TXNRD3: variants seen among roughly 807,000 people sequenced by gnomAD.
TXNRD3 encodes the protein TXNRD3 neighbor gene protein.
A neutral mutation model predicts 78.2 loss-of-function variants in TXNRD3; 68 were observed. That is an observed-to-expected ratio of 0.87 (90% confidence interval 0.72 to 1.06). The LOEUF (loss-of-function observed/expected upper bound fraction) is 1.06. Ranked by LOEUF, TXNRD3 falls within the 50% of genes least tolerant of loss-of-function variation. The pLI is 0.00. For synonymous variants in TXNRD3, 296 were observed against 300.1 expected (o/e 0.99, Z 0.14); for missense variants, 751 against 809.5 (o/e 0.93, Z 0.88).
chr3:126,611,858 C>G (rs1357395296), intron 13 of TXNRD3, among the ~76,000 whole-genome samples: 2 of 151,910 alleles, frequency 1.3e-5, no homozygotes, highest in African/African-American at 4.8e-5. Context: ...AAAATACCAC[C>G]CAGAAATAAC....
chr3:126,630,254 A>G (rs1482185643), intron 9 of TXNRD3, among the ~76,000 whole-genome samples: 5 of 152,244 alleles, frequency 3.3e-5, no homozygotes, highest in Non-Finnish European at 7.3e-5. Context: ...GCTTCAAAGA[A>G]GTGAAGGAGA....
intron 1 of TXNRD3, among the ~76,000 whole-genome samples, chr3:126,649,269 G>A (rs1933316588): frequency 6.6e-6 from 1 of 152,198 alleles, no homozygotes; most frequent in Non-Finnish European, 1.5e-5. Flanking sequence ...AATCTTTAGT[G>A]AAACGTGAAT....
chr3:126,641,770 A>T (rs958947728), intron 6 of TXNRD3, among the ~76,000 whole-genome samples: 2 of 152,208 alleles, frequency 1.3e-5, no homozygotes, highest in African/African-American at 4.8e-5. Flanking sequence ...AAGAAGTCTG[A>T]AAATAGCGAT....
intron 10 of TXNRD3, among the ~76,000 whole-genome samples, chr3:126,626,415 T>A (rs2107616818): frequency 6.6e-6 from 1 of 152,266 alleles, no homozygotes; most frequent in East Asian, 1.9e-4. Flanking sequence ...AAAAGGAATA[T>A]GCCCAAGATA....
Position 126,653,021 on chromosome 3 carries a change from A to T in TXNRD3, c.243+1727T>A, listed in dbSNP as rs536443819. On this transcript the variant is annotated intron_variant, in intron 1 of 15. Transcript: ENST00000524230. ...TTTCACCCACCACCATTAGAACCCAACCTCTCCTGACTCACCAGAAATTGG... is the reference window on the plus strand; with the variant it reads ...TTTCACCCACCACCATTAGAACCCATCCTCTCCTGACTCACCAGAAATTGG... Among the ~76,000 whole-genome samples the T allele has an allele frequency of 2.0e-5, 3 of 151,900 alleles. No individual in the cohort carries two copies. The East Asian group carries it at 5.8e-4, about 29-fold the overall frequency.
At chr3:126,642,252 G>T (rs1042579535) in intron 5 of TXNRD3, 101 bp from the exon 6 acceptor site, 1 of 1,320,214 alleles carries the variant, frequency 7.6e-7, no homozygotes, top group East Asian at 2.8e-5. Flanking sequence ...GCTCAATGGT[G>T]GGGGGGATGA....
At chr3:126,625,663 T>C (rs1938564441) in intron 10 of TXNRD3, among the ~76,000 whole-genome samples, 1 of 152,180 alleles carries the variant, frequency 6.6e-6, no homozygotes, top group African/African-American at 2.4e-5. Flanking sequence ...CCTTTGGGTA[T>C]ATACCCAGTA....
Position 126,608,606 on chromosome 3 carries a change from C to G in TXNRD3, c.1756G>C (p.Gly586Arg). The G allele has an allele frequency of 6.5e-7, 1 of 1,535,524 alleles. No homozygotes were observed. Among genetic ancestry groups the G allele is most frequent in the Non-Finnish European group, 8.7e-7 (1 of 1,146,708 alleles). The change falls in exon 15 of 16, where the codon GGA (glycine) becomes CGA (arginine). Residue 586 changes from glycine to arginine, a missense_variant. Gly to Arg is a moderately radical substitution (Grantham distance 125). Coordinates refer to ENST00000524230, the MANE Select transcript of TXNRD3 (RefSeq NM_052883.3). ...TGGGTAACCTCACCGGCGTTTGGTC[C>G]AAGAATATGAAATCCTATCACCCGA...
chr3:126,641,934 A>C (rs1269471058), intron 6 of TXNRD3, 98 bp downstream of exon 6: 1 of 1,348,664 alleles, frequency 7.4e-7, no homozygotes, highest in Non-Finnish European at 9.8e-7. Context: ...CATTAAATGA[A>C]TTACGAACTC....
intron 6 of TXNRD3, among the ~76,000 whole-genome samples, chr3:126,638,862 G>A (rs1309480922): frequency 3.9e-5 from 6 of 152,214 alleles, no homozygotes; most frequent in Admixed American, 2.6e-4. Context: ...CAGAATTAAC[G>A]TCATTTGACC....
intron 1 of TXNRD3, among the ~76,000 whole-genome samples, chr3:126,648,452 A>G (rs1176621563): frequency 1.3e-5 from 2 of 152,226 alleles, no homozygotes; most frequent in Non-Finnish European, 2.9e-5. Flanking sequence ...AACTTACTAC[A>G]AAGATACAGT....
rs931123289 is a variant in TXNRD3, at chr3:126,621,875, T to C, written c.1391A>G (p.Asp464Gly). ...ATATGGCACATTGGTCTGTTCCACA[T>C]CATTTACAGGTATTTTTCCACTCCT... Residue 464 changes from aspartate (D) to glycine (G), a missense_variant, in exon 12 of 16, where the codon GAT (aspartate) becomes GGT (glycine). Physicochemically the swap from Asp to Gly is moderately conservative, Grantham distance 94 (BLOSUM62 -1). Transcript: ENST00000524230. 1.1e-5 allele frequency: 16 copies of C among 1,518,574 alleles called. No individual in the cohort carries two copies. In the Admixed American group the frequency reaches 3.3e-4, roughly 31 times the overall value. The allele number at this position is 1,518,574 out of a possible 1,614,324, so 94.1% of individuals were successfully genotyped here.
chr3:126,646,257 A>G (rs1390826014), intron 2 of TXNRD3, 37 bp from the exon 3 acceptor site: 1 of 1,436,782 alleles, frequency 7.0e-7, no homozygotes, highest in Admixed American at 3.0e-5. Context: ...AAACACTGAA[A>G]AGAGTTTCAA....
rs1001761354 is a variant in TXNRD3 at position 126,634,043 on chromosome 3, T to C, written c.721A>G (p.Asn241Asp). The change falls in exon 7 of 16, where the codon AAC becomes GAC. Residue 241 changes from asparagine (N) to aspartate (D), a missense_variant. Coordinates refer to ENST00000524230, the MANE Select transcript of TXNRD3 (RefSeq NM_052883.3). ...ATCGCTTTTGTCATTGTCTCCCAGT[T>C]GTGCCTCACTAAGAAGAAATAATCA... 2.0e-6 allele frequency: 3 copies of C among 1,500,404 alleles called. No individual in the cohort carries two copies. Among genetic ancestry groups the C allele is most frequent in the African/African-American group, 2.8e-5 (2 of 71,694 alleles). The allele number at this position is 1,500,404 out of a possible 1,614,324, so 92.9% of individuals were successfully genotyped here.
chr3:126,625,737 T>C lies in TXNRD3; in HGVS notation c.1291-3197A>G, dbSNP rs567970020. Among the ~76,000 whole-genome samples the C allele has an allele frequency of 4.6e-5, 7 of 152,348 alleles. No individual in the cohort carries two copies. The East Asian group carries it at 1.4e-3, about 29-fold the overall frequency. On this transcript the variant is annotated intron_variant, in intron 10 of 15. Transcript: ENST00000524230. ...ACCGTGAGGAATTGCCACACTGACT[T>C]CCACAATGGTTGAACTAGTTACAGT...
intron 6 of TXNRD3, among the ~76,000 whole-genome samples, chr3:126,637,546 A>G (rs922427962): frequency 1.3e-5 from 2 of 152,144 alleles, no homozygotes; most frequent in Non-Finnish European, 2.9e-5. Flanking sequence ...TTTCTCATCT[A>G]AAATTTTAAA....
intron 13 of TXNRD3, among the ~76,000 whole-genome samples, chr3:126,613,855 T>A (rs992079157): frequency 6.6e-6 from 1 of 152,258 alleles, no homozygotes; most frequent in African/African-American, 2.4e-5. Context: ...ATACCATACA[T>A]TCTACTATTA....
chr3:126,648,814 G>T (rs971671595), intron 1 of TXNRD3, among the ~76,000 whole-genome samples: 8 of 152,130 alleles, frequency 5.3e-5, no homozygotes, highest in Admixed American at 5.2e-4. Flanking sequence ...GATCTCAAAG[G>T]CACAAGCAAC....
At chr3:126,629,341 G>T in intron 10 of TXNRD3, 38 bp downstream of exon 10, 1 of 1,313,142 alleles carries the variant, frequency 7.6e-7, no homozygotes, top group Non-Finnish European at 1.0e-6. Flanking sequence ...ATTTAGGAGT[G>T]TGTTCAATAA....
Sources: allele counts gnomAD v4.1 joint callset (sites outside exome capture counted in the v4.1 genomes callset), GRCh38; gene constraint gnomAD v4.1.1; transcripts MANE v1.5; gene names NCBI Gene and HGNC (gene_info 2026-07-23, HGNC 2026-07-21).